Variants in IQCH observed in about 807,000 individuals in gnomAD.
The protein encoded by IQCH is IQ domain-containing protein H.
A neutral mutation model predicts 117.0 loss-of-function variants in IQCH; 98 were observed. The ratio of observed to expected loss-of-function variants is 0.84; its 90% confidence interval spans 0.71 to 0.99. The LOEUF is 0.99. IQCH is among the 50% of genes least tolerant of loss of function. The pLI is 0.00. For synonymous variants in IQCH, 412 were observed against 448.2 expected (o/e 0.92, Z 1.02); for missense variants, 1,102 against 1,243.8 (o/e 0.89, Z 1.72).
chr15:67,284,275 A>G (rs1368097496), intron 4 of IQCH, among the ~76,000 whole-genome samples: 1 of 152,138 alleles, frequency 6.6e-6, no homozygotes, highest in Admixed American at 6.6e-5. Flanking sequence ...AGCTCCCACA[A>G]ATAAATAAAA....
chr15:67,397,756 C>T (rs544334889), intron 13 of IQCH, among the ~76,000 whole-genome samples: 1 of 131,098 alleles, frequency 7.6e-6, no homozygotes, highest in African/African-American at 2.9e-5. Context: ...AAATTTATTA[C>T]ATCTTTTGAA....
intron 12 of IQCH, among the ~76,000 whole-genome samples, chr15:67,389,764 A>G (rs1247377131): frequency 6.6e-6 from 1 of 151,868 alleles, no homozygotes; most frequent in Non-Finnish European, 1.5e-5. Context: ...ATTGAAATGC[A>G]CCAAAGTCAA....
intron 16 of IQCH, among the ~76,000 whole-genome samples, chr15:67,462,083 C>T (rs1797809316): frequency 6.6e-6 from 1 of 151,722 alleles, no homozygotes; most frequent in Non-Finnish European, 1.5e-5. Flanking sequence ...CCTGCCTTGG[C>T]CTCCCAAAGT....
intron 16 of IQCH, chr15:67,460,024 C>T (rs959874147): frequency 1.3e-5 from 2 of 152,140 alleles, no homozygotes; most frequent in Non-Finnish European, 2.9e-5. Flanking sequence ...GTGGTGCAAA[C>T]CTATTAGTCC....
chr15:67,279,544 G>A (rs1325177945), intron 4 of IQCH, 32 bp downstream of exon 4: 1 of 1,283,042 alleles, frequency 7.8e-7, no homozygotes, highest in Non-Finnish European at 1.1e-6. Flanking sequence ...GAGACAGAAA[G>A]TAGTTTAGTG....
intron 1 of IQCH, among the ~76,000 whole-genome samples, chr15:67,258,090 G>A (rs1965297285): frequency 6.6e-6 from 1 of 151,964 alleles, no homozygotes; most frequent in Admixed American, 6.6e-5. Context: ...AATTAGCTAG[G>A]TGTGGTGGCA....
intron 10 of IQCH, among the ~76,000 whole-genome samples, chr15:67,383,345 G>GA (rs1488634709): frequency 1.3e-5 from 2 of 152,092 alleles, no homozygotes; most frequent in African/African-American, 4.8e-5. Flanking sequence ...TAATTTGTTG[G>GA]AAAACTGACT....
intron 16 of IQCH, among the ~76,000 whole-genome samples, chr15:67,437,075 G>A (rs577585633): frequency 5.9e-5 from 9 of 152,244 alleles, no homozygotes; most frequent in East Asian, 5.8e-4. Context: ...AAAGCGCCAC[G>A]TCCTGGCAGG....
chr15:67,372,693 C>A, intron 9 of IQCH, 31 bp downstream of exon 9: 1 of 1,539,222 alleles, frequency 6.5e-7, no homozygotes, highest in African/African-American at 1.4e-5. Context: ...TTAAGGCAGA[C>A]CTCTTTTTCT....
In IQCH at chr15:67,465,075, C is replaced by G; in HGVS notation, c.2506-52C>G. ...TCTGGTTAGGCAGAGGTGGGGCCTT[C>G]GCTGCTGTTTGCTGATTTCACCCTC... On this transcript the variant is annotated intron_variant, in intron 16 of 20. Coordinates refer to ENST00000335894, the MANE Select transcript of IQCH (RefSeq NM_001031715.3). This position sits in a 1 kb window ranked among gnomAD's most constrained non-coding sequence, Gnocchi z 5.9. 6.3e-7 allele frequency: 1 copy of G among 1,584,046 alleles called. No individual in the cohort carries two copies.
At chr15:67,311,160 A>G (rs1364539283) in intron 4 of IQCH, among the ~76,000 whole-genome samples, 1 of 152,120 alleles carries the variant, frequency 6.6e-6, no homozygotes, top group East Asian at 1.9e-4. Flanking sequence ...TAATTATGAA[A>G]TCTATTTGTC....
chr15:67,499,377 A>G (rs1178152489), intron 20 of IQCH, among the ~76,000 whole-genome samples: 2 of 148,936 alleles, frequency 1.3e-5, no homozygotes, highest in Non-Finnish European at 3.0e-5. Flanking sequence ...ATAAGTTATT[A>G]GGGAAATACA....
chr15:67,392,341 TG>T (rs573605765), intron 12 of IQCH, among the ~76,000 whole-genome samples: 68 of 152,226 alleles, frequency 4.5e-4, no homozygotes, highest in African/African-American at 1.5e-3. Flanking sequence ...GAATAATTTA[TG>T]GGAAAAAGAA....
Position 67,372,071 on chromosome 15 carries a change from A to G in IQCH, c.754-40A>G, listed in dbSNP as rs370352370. On this transcript the variant is annotated intron_variant, in intron 8 of 20. Transcript: ENST00000335894. ...GACCACTCATTTAAAGGAGATCATA[A>G]TATCTTTCACTTCTAAAATATATTT... is the stretch of plus-strand genomic sequence containing the variant. The G allele has an allele frequency of 4.0e-6, 6 of 1,518,338 alleles. No individual in the cohort carries two copies. The African/African-American group carries it at 5.6e-5, about 14-fold the overall frequency. The allele number at this position is 1,518,338 out of a possible 1,614,324, so 94.1% of individuals were successfully genotyped here.
Position 67,501,699 on chromosome 15 carries a change from G to A in IQCH, c.*953G>A, listed in dbSNP as rs1159489862. ...GTCTATAAAAATATTTTAGTGTATT[G>A]GGGAAAGGAATAGGATTTTTACCTG... On this transcript the variant is annotated 3_prime_UTR_variant, in exon 21 of 21. Coordinates refer to ENST00000335894, the MANE Select transcript of IQCH (RefSeq NM_001031715.3). The surrounding 1 kb of genome is among the most constrained non-coding windows in gnomAD (Gnocchi z 5.2). 6.6e-6 allele frequency: 1 copy of A among 152,106 alleles called. No homozygotes were observed. The highest frequency in any genetic ancestry group is 2.4e-5 in the African/African-American group (1 of 41,408). The allele number at this position is 152,106 out of a possible 1,614,324, so 9.4% of individuals were successfully genotyped here.
rs6494658 is a variant in IQCH, at chr15:67,463,584, A to G, written c.2506-1543A>G. On this transcript the variant is annotated intron_variant, in intron 16 of 20. Coordinates refer to ENST00000335894, the MANE Select transcript of IQCH (RefSeq NM_001031715.3). This position sits in a 1 kb window ranked among gnomAD's most constrained non-coding sequence, Gnocchi z 4.0. ...ACATGGGGTTGTTATTTTTTAGGCT[A>G]CCACAGAGATCTGAGATATTTATGA... Among the ~76,000 whole-genome samples the G allele has an allele frequency of 0.87, 132,558 of 152,174 alleles. 57,808 individuals are homozygous for G. The highest frequency in any genetic ancestry group is 0.91 in the African/African-American group (37,708 of 41,518).
At chr15:67,374,669 T>A (rs554077540) in intron 10 of IQCH, among the ~76,000 whole-genome samples, 1 of 152,226 alleles carries the variant, frequency 6.6e-6, no homozygotes, top group South Asian at 2.1e-4. Flanking sequence ...ATGAAAGAAA[T>A]TTGTTTCTTC....
chr15:67,386,884 C>T lies in IQCH; in HGVS notation c.1456+1865C>T, dbSNP rs147482636. 1.4e-4 allele frequency among the ~76,000 whole-genome samples: 21 copies of T among 152,200 alleles called. No homozygotes were observed. In the South Asian group the frequency reaches 2.1e-3, roughly 15 times the overall value. ...ATACTGAATCTTAGAGTTAGTGATA[C>T]GTATTCCTTTGCCAGAAATTAACAG... On this transcript the variant is annotated intron_variant, in intron 11 of 20. Transcript: ENST00000335894. The surrounding 1 kb of genome is among the most constrained non-coding windows in gnomAD (Gnocchi z 5.0).
intron 4 of IQCH, among the ~76,000 whole-genome samples, chr15:67,317,078 T>C (rs780577723): frequency 4.6e-5 from 7 of 152,232 alleles, no homozygotes; most frequent in Non-Finnish European, 1.0e-4. Context: ...CGTTCATATC[T>C]CTAACTTCAG....
Sources: gnomAD v4.1 joint callset for allele counts (sites outside exome capture counted in the v4.1 genomes callset) on GRCh38, gnomAD v4.1.1 for gene constraint, Gnocchi (gnomAD v3.1) non-coding constraint, MANE v1.5 for transcripts, NCBI Gene and HGNC (gene_info 2026-07-23, HGNC 2026-07-21) for gene names.